WDFY2: variants seen among roughly 807,000 people sequenced by gnomAD.
WDFY2 encodes WD repeat and FYVE domain containing 2, also known as WD repeat and FYVE domain-containing protein 2.
In WDFY2, 36 loss-of-function variants were observed where a neutral mutation model predicts 56.4. The observed-to-expected ratio is 0.64, with a 90% CI of 0.49 to 0.84. The LOEUF (loss-of-function observed/expected upper bound fraction) is 0.84. Among genes scored for constraint, WDFY2 ranks in the 40% least tolerant of loss-of-function variants. WDFY2 has a pLI of 0.00. For missense variants in WDFY2, 444 were observed against 512.2 expected (o/e 0.87, Z 1.29); for synonymous variants, 176 against 183.7 (o/e 0.96, Z 0.34).
chr13:51,700,297 C>T (rs1469979217), intron 3 of WDFY2, among the ~76,000 whole-genome samples: 1 of 151,728 alleles, frequency 6.6e-6, no homozygotes, highest in Non-Finnish European at 1.5e-5. Flanking sequence ...GATGGGTGGA[C>T]AGCTGAATGG....
At position 51,755,469 on chromosome 13, in the gene WDFY2, A is replaced by G; in HGVS notation, c.933+10A>G. 1 of 1,610,270 alleles carries G rather than the reference A, an allele frequency of 6.2e-7. No individual in the cohort carries two copies. Among genetic ancestry groups the G allele is most frequent in the Non-Finnish European group, 8.5e-7 (1 of 1,176,436 alleles). On this transcript the variant is annotated intron_variant, in intron 9 of 11. Coordinates refer to ENST00000298125, the MANE Select transcript of WDFY2 (RefSeq NM_052950.4). The stretch of plus-strand genomic sequence containing the variant: ...AATTGGTCTAAGACAGGTGAGTGAT[A>G]TGGATGCTTCATCAAAATGTAATTA...
chr13:51,660,170 C>T (rs1329282332), intron 1 of WDFY2, among the ~76,000 whole-genome samples: 3 of 151,732 alleles, frequency 2.0e-5, no homozygotes, highest in Non-Finnish European at 2.9e-5. Context: ...GGTTAAGATA[C>T]ATAGGTATGT....
chr13:51,669,628 A>G (rs1278604505), intron 2 of WDFY2, among the ~76,000 whole-genome samples: 1 of 152,222 alleles, frequency 6.6e-6, no homozygotes, highest in Non-Finnish European at 1.5e-5. Flanking sequence ...TATTTACCAA[A>G]AAACTGTAAT....
chr13:51,593,143 T>G (rs1447879830), intron 1 of WDFY2, among the ~76,000 whole-genome samples: 1 of 152,230 alleles, frequency 6.6e-6, no homozygotes, highest in Non-Finnish European at 1.5e-5. Context: ...TGCCAGCACC[T>G]ACCTAGATTT....
chr13:51,650,325 G>C (rs1300368862), intron 1 of WDFY2, among the ~76,000 whole-genome samples: 1 of 152,130 alleles, frequency 6.6e-6, no homozygotes, highest in Admixed American at 6.5e-5. Context: ...CTGAGACAAT[G>C]GGGTTTTCTA....
intron 1 of WDFY2, among the ~76,000 whole-genome samples, chr13:51,624,292 GC>G (rs1954798398): frequency 6.6e-6 from 1 of 152,084 alleles, no homozygotes; most frequent in Admixed American, 6.5e-5. Flanking sequence ...TTATTTAACT[GC>G]CCCCAAGAAC....
chr13:51,624,925 T>A (rs557536478), intron 1 of WDFY2, among the ~76,000 whole-genome samples: 1 of 152,202 alleles, frequency 6.6e-6, no homozygotes, highest in South Asian at 2.1e-4. Flanking sequence ...GAGGCAAGAT[T>A]AGGGGGATGT....
chr13:51,750,304 T>C (rs1436933354), intron 7 of WDFY2, among the ~76,000 whole-genome samples: 1 of 152,162 alleles, frequency 6.6e-6, no homozygotes, highest in Non-Finnish European at 1.5e-5. Context: ...TCCAATTTAT[T>C]GACACCCTCT....
intron 3 of WDFY2, among the ~76,000 whole-genome samples, chr13:51,699,606 A>G (rs975445740): frequency 3.3e-5 from 5 of 152,366 alleles, no homozygotes; most frequent in South Asian, 4.1e-4. Flanking sequence ...TCATAGTGTA[A>G]TGAACATAAA....
intron 1 of WDFY2, among the ~76,000 whole-genome samples, chr13:51,596,158 G>A (rs1023677863): frequency 6.6e-6 from 1 of 152,086 alleles, no homozygotes; most frequent in Non-Finnish European, 1.5e-5. Context: ...CGATTTGGGG[G>A]ATATTTTTGA....
intron 3 of WDFY2, among the ~76,000 whole-genome samples, chr13:51,698,765 A>G (rs373957429): frequency 3.2e-4 from 48 of 152,344 alleles, no homozygotes; most frequent in East Asian, 3.1e-3. Context: ...AAAACTTAAA[A>G]GATATAATGC....
chr13:51,720,741 G>A (rs1419972028), intron 5 of WDFY2, among the ~76,000 whole-genome samples: 1 of 152,178 alleles, frequency 6.6e-6, no homozygotes, highest in Non-Finnish European at 1.5e-5. Context: ...AGCAGATTCA[G>A]TGTCTGGTGA....
intron 8 of WDFY2, chr13:51,752,752 T>G (rs1953266033): frequency 6.6e-6 from 1 of 152,228 alleles, no homozygotes; most frequent in Non-Finnish European, 1.5e-5. Flanking sequence ...ATTTAAAATC[T>G]TATTCAGTGA....
intron 3 of WDFY2, among the ~76,000 whole-genome samples, chr13:51,676,906 C>T (rs1955896816): frequency 6.6e-6 from 1 of 152,186 alleles, no homozygotes; most frequent in South Asian, 2.1e-4. Flanking sequence ...TGAGATCCTT[C>T]CATTTCCCAA....
intron 1 of WDFY2, among the ~76,000 whole-genome samples, chr13:51,605,750 G>GGAGAA (rs1024604962): frequency 1.3e-5 from 2 of 152,168 alleles, no homozygotes; most frequent in African/African-American, 4.8e-5. Context: ...GCGTGATGAA[G>GGAGAA]GAGAATGCAA....
intron 1 of WDFY2, among the ~76,000 whole-genome samples, chr13:51,622,847 T>C (rs1954761118): frequency 6.8e-6 from 1 of 146,894 alleles, no homozygotes; most frequent in Non-Finnish European, 1.5e-5. Context: ...TATGCTTAAC[T>C]TTACACTTTT....
chr13:51,584,761 A>G lies in WDFY2; in HGVS notation c.74A>G (p.Glu25Gly). The change falls in exon 1 of 12, where the codon GAG becomes GGG. Residue 25 changes from glutamate to glycine, a missense_variant. Coordinates refer to ENST00000298125, the MANE Select transcript of WDFY2 (RefSeq NM_052950.4). ...CTGCAGCGGATGGAGGGGTCCCAGG[A>G]GGTGGTGAATATGGCCGTGATCGTG... ...ILLQRMEGSQ[E>G]VVNMAVIVPK... 6.2e-7 allele frequency: 1 copy of G among 1,613,790 alleles called. No individual in the cohort carries two copies. Among genetic ancestry groups the G allele is most frequent in the Non-Finnish European group, 8.5e-7 (1 of 1,179,776 alleles).
intron 3 of WDFY2, among the ~76,000 whole-genome samples, chr13:51,696,728 A>G (rs1951884495): frequency 6.6e-6 from 1 of 152,248 alleles, no homozygotes; most frequent in African/African-American, 2.4e-5. Flanking sequence ...CTTAAAAAAG[A>G]AAAAGAAAAA....
chr13:51,600,326 A>G (rs1385168181), intron 1 of WDFY2, among the ~76,000 whole-genome samples: 1 of 152,208 alleles, frequency 6.6e-6, no homozygotes. Context: ...AGGAGACTCA[A>G]GTATCTTGCA....
Sources: allele counts gnomAD v4.1 joint callset (sites outside exome capture counted in the v4.1 genomes callset), GRCh38; gene constraint gnomAD v4.1.1; transcripts MANE v1.5; gene names NCBI Gene and HGNC (gene_info 2026-07-23, HGNC 2026-07-21).